Variants in BEAN1 observed in about 807,000 individuals in gnomAD.
The protein encoded by BEAN1 is brain expressed associated with NEDD4 1.
In BEAN1, 17 loss-of-function variants were observed where a neutral mutation model predicts 17.7. The observed-to-expected ratio is 0.96, with a 90% CI of 0.66 to 1.44. The LOEUF (loss-of-function observed/expected upper bound fraction) is 1.44, where lower values mean the gene tolerates loss of function less well. Among genes scored for constraint, BEAN1 ranks in the 40% most tolerant of loss-of-function variants. BEAN1 has a pLI of 0.00. For synonymous variants in BEAN1, 142 were observed against 151.8 expected, an observed-to-expected ratio of 0.94 and a Z score of 0.47; for missense variants, 359 against 374.1, an observed-to-expected ratio of 0.96 and a Z score of 0.33.
At position 66,480,750 on chromosome 16, in the gene BEAN1, A is replaced by G; in HGVS notation, c.605A>G (p.Gln202Arg). 1 of 1,551,550 alleles carries G rather than the reference A, an allele frequency of 6.4e-7. No homozygotes were observed. Among genetic ancestry groups the G allele is most frequent in the Non-Finnish European group, 8.7e-7 (1 of 1,146,936 alleles). ...RHQQEQRTPA[Q>R]GGLHTVSMDT... ...CAGCAGGAGCAGAGGACCCCGGCCC[A>G]AGGTGGCCTTCACACGGTCTCCATG... Residue 202 changes from glutamine (Q) to arginine (R), a missense_variant, in exon 5 of 5, where the codon CAA becomes CGA. Physicochemically the swap from Gln to Arg is conservative, Grantham distance 43. Transcript: ENST00000536005.
chr16:66,459,209 G>A lies in BEAN1; in HGVS notation c.26-10393G>A, dbSNP rs546695190. 5.3e-5 allele frequency among the ~76,000 whole-genome samples: 8 copies of A among 152,204 alleles called. No individual in the cohort carries two copies. In the Middle Eastern group the frequency reaches 0.01, roughly 194 times the overall value. ...AGCCTCCTCCCTGGTCTCCTGCCCCGAACCCTGCCTCTGCCCATTCTGTCC... is the reference window on the plus strand; with the variant it reads ...AGCCTCCTCCCTGGTCTCCTGCCCCAAACCCTGCCTCTGCCCATTCTGTCC... On this transcript the variant is annotated intron_variant, in intron 2 of 4. Transcript: ENST00000536005.
chr16:66,473,570 A>G lies in BEAN1; in HGVS notation c.289+3705A>G, dbSNP rs2142443374. Among the ~76,000 whole-genome samples the G allele has an allele frequency of 6.6e-6, 1 of 152,080 alleles. No homozygotes were observed. Among genetic ancestry groups the G allele is most frequent in the South Asian group, 2.1e-4 (1 of 4,802 alleles). ...GGCACCACCAGGCGCGGTGCCTCAC[A>G]CCTATAATCCCAGCACTTTGGGAGG... On this transcript the variant is annotated intron_variant, in intron 3 of 4. Transcript: ENST00000536005. The surrounding 1 kb of genome is among the most constrained non-coding windows in gnomAD (Gnocchi z 4.5).
chr16:66,446,491 G>T (rs191397118), intron 2 of BEAN1, among the ~76,000 whole-genome samples: 2 of 152,270 alleles, frequency 1.3e-5, no homozygotes, highest in East Asian at 3.9e-4. Flanking sequence ...CTTTGCAGGC[G>T]TTGGAGTGGA....
intron 2 of BEAN1, among the ~76,000 whole-genome samples, chr16:66,447,090 C>G (rs1962484837): frequency 6.6e-6 from 1 of 152,132 alleles, no homozygotes; most frequent in Non-Finnish European, 1.5e-5. Context: ...GGCAGCATAC[C>G]AAGACCCTGT....
At position 66,432,159 on chromosome 16, in the gene BEAN1, G is replaced by C. The variant is rs750624845; in HGVS notation, c.-83+4728G>C. Reference sequence around the variant, plus strand: ...CCAAGTTACCTGTTTGCAAACCTCAGTGCCTTCTGCCCACCTCTGCCCACC... The same window carrying C: ...CCAAGTTACCTGTTTGCAAACCTCACTGCCTTCTGCCCACCTCTGCCCACC... On this transcript the variant is annotated intron_variant, in intron 1 of 4. Coordinates refer to ENST00000536005, the MANE Select transcript of BEAN1 (RefSeq NM_001178020.3). Among the ~76,000 whole-genome samples the C allele has an allele frequency of 7.9e-5, 12 of 152,300 alleles. No homozygotes were observed. In the South Asian group the frequency reaches 1.7e-3, roughly 21 times the overall value.
intron 4 of BEAN1, chr16:66,479,181 C>A (rs1432213788): frequency 6.6e-6 from 1 of 152,086 alleles, no homozygotes; most frequent in East Asian, 1.9e-4. Flanking sequence ...CAGGGTTAGA[C>A]CTGAGCCCTT....
In BEAN1 at chr16:66,480,955, C is replaced by T; in HGVS notation, c.*30C>T. 7.1e-7 allele frequency: 1 copy of T among 1,399,928 alleles called. No individual in the cohort carries two copies. 86.7% of individuals were successfully genotyped at this position (1,399,928 alleles called of 1,614,324 possible). A position where few individuals can be genotyped will look rare whatever the true frequency, so the allele number is the denominator to read the frequency against. On this transcript the variant is annotated 3_prime_UTR_variant, in exon 5 of 5. Coordinates refer to ENST00000536005, the MANE Select transcript of BEAN1 (RefSeq NM_001178020.3). Reference sequence around the variant, plus strand: ...CCCAGCCAGCCGGGTCCTGCTGGTCCCTACAGGCTGAACCACATTCTTTAG... The same window carrying T: ...CCCAGCCAGCCGGGTCCTGCTGGTCTCTACAGGCTGAACCACATTCTTTAG...
intron 3 of BEAN1, among the ~76,000 whole-genome samples, chr16:66,476,041 C>T (rs1171456673): frequency 2.0e-5 from 3 of 149,788 alleles, no homozygotes; most frequent in South Asian, 2.1e-4. Context: ...ACCCCGGAGG[C>T]GGAGCTTGCA....
At chr16:66,484,147 T>C (rs776909531), downstream of BEAN1, 7 of 196,074 alleles carry the variant, frequency 3.6e-5, no homozygotes, top group Non-Finnish European at 6.4e-5. This position sits in a 1 kb window ranked among gnomAD's most constrained non-coding sequence, Gnocchi z 4.2. Flanking sequence ...GGACAAAGCC[T>C]GACACTTATG....
chr16:66,436,403 G>A (rs1017636400), intron 1 of BEAN1, among the ~76,000 whole-genome samples: 2 of 150,590 alleles, frequency 1.3e-5, no homozygotes, highest in Non-Finnish European at 3.0e-5. Context: ...GAGTAGCTGG[G>A]ACTACAGGCG....
chr16:66,456,299 T>G (rs1009898726), intron 2 of BEAN1, among the ~76,000 whole-genome samples: 7 of 152,160 alleles, frequency 4.6e-5, no homozygotes, highest in Non-Finnish European at 8.8e-5. Context: ...GGAAAGTCCA[T>G]ATTATAGTCA....
intron 2 of BEAN1, among the ~76,000 whole-genome samples, chr16:66,469,256 G>A (rs1020987062): frequency 1.3e-5 from 2 of 152,244 alleles, no homozygotes; most frequent in Non-Finnish European, 2.9e-5. Context: ...AAGAGTCTTG[G>A]ATTCAAGCCT....
intron 1 of BEAN1, among the ~76,000 whole-genome samples, chr16:66,431,737 C>CT (rs528795492): frequency 3.4e-5 from 5 of 148,302 alleles, no homozygotes; most frequent in South Asian, 2.1e-4. Context: ...GTCTTTTTTA[C>CT]TTTTTTTTTT....
chr16:66,479,527 G>A (rs1265796846), intron 4 of BEAN1, among the ~76,000 whole-genome samples: 1 of 152,050 alleles, frequency 6.6e-6, no homozygotes, highest in Non-Finnish European at 1.5e-5. Context: ...TACGAAGACA[G>A]AGGTGATTCC....
At chr16:66,443,918 C>G (rs1962349217) in intron 2 of BEAN1, among the ~76,000 whole-genome samples, 1 of 152,144 alleles carries the variant, frequency 6.6e-6, no homozygotes, top group Non-Finnish European at 1.5e-5. Context: ...TCAAGTGATC[C>G]ACCTGCCTCG....
At chr16:66,482,856 T>C, downstream of BEAN1, 1 of 456,030 alleles carries the variant, frequency 2.2e-6, no homozygotes, top group South Asian at 1.6e-5. Flanking sequence ...GGTTCCTTTT[T>C]TTCTTTTCTT....
At chr16:66,446,258 T>C (rs1052951170) in intron 2 of BEAN1, among the ~76,000 whole-genome samples, 1 of 151,990 alleles carries the variant, frequency 6.6e-6, no homozygotes, top group Admixed American at 6.6e-5. Context: ...AGGAGGTTCA[T>C]AGTGGAAGTG....
downstream of BEAN1, chr16:66,485,222 CT>C: frequency 2.5e-6 from 1 of 404,760 alleles, no homozygotes; most frequent in Non-Finnish European, 5.0e-6. Context: ...AGAGATACCC[CT>C]GGCACACACT....
At chr16:66,442,848 A>G (rs1185124014) in intron 2 of BEAN1, among the ~76,000 whole-genome samples, 1 of 152,168 alleles carries the variant, frequency 6.6e-6, no homozygotes, top group Non-Finnish European at 1.5e-5. Flanking sequence ...ACAGGTCTGT[A>G]TTGAGGGAGA....
Sources: allele counts gnomAD v4.1 joint callset (sites outside exome capture counted in the v4.1 genomes callset), GRCh38; gene constraint gnomAD v4.1.1; non-coding constraint Gnocchi (gnomAD v3.1); transcripts MANE v1.5; gene names NCBI Gene and HGNC (gene_info 2026-07-23, HGNC 2026-07-21).